ASB3: variants seen among roughly 807,000 people sequenced by gnomAD.
The protein encoded by ASB3 is ankyrin repeat and SOCS box containing 3.
A neutral mutation model predicts 54.5 loss-of-function variants in ASB3; 41 were observed. That is an observed-to-expected ratio of 0.75 (90% CI 0.59 to 0.98). The LOEUF (loss-of-function observed/expected upper bound fraction) is 0.98, where lower values mean the gene tolerates loss of function less well. ASB3 is among the 50% of genes least tolerant of loss of function. The pLI, the probability that ASB3 is intolerant of heterozygous loss-of-function variation, is 0.00. For missense variants in ASB3, 733 were observed against 620.0 expected, an observed-to-expected ratio of 1.18 and a Z score of -1.94; for synonymous variants, 266 against 221.2, an observed-to-expected ratio of 1.20 and a Z score of -1.80.
At chr2:53,687,188 G>A (rs1455941599) in intron 9 of ASB3, among the ~76,000 whole-genome samples, 1 of 151,992 alleles carries the variant, frequency 6.6e-6, no homozygotes, top group Admixed American at 6.6e-5. Flanking sequence ...GCTATGTGAA[G>A]TTAAAATTGT....
At chr2:53,757,420 A>T (rs532826608) in intron 2 of ASB3, among the ~76,000 whole-genome samples, 1 of 152,320 alleles carries the variant, frequency 6.6e-6, no homozygotes, top group African/African-American at 2.4e-5. Context: ...GCTGGTTGAG[A>T]TCATGGCGCA....
intron 5 of ASB3, among the ~76,000 whole-genome samples, chr2:53,726,350 T>A (rs1416039132): frequency 6.7e-6 from 1 of 149,264 alleles, no homozygotes; most frequent in Admixed American, 6.8e-5. Flanking sequence ...AACCTCTACC[T>A]CCTGGGTTTA....
intron 9 of ASB3, among the ~76,000 whole-genome samples, chr2:53,689,619 C>T (rs1014554775): frequency 7.2e-5 from 11 of 152,118 alleles, no homozygotes; most frequent in African/African-American, 2.7e-4. Flanking sequence ...GTACTTACCA[C>T]AGATGATTTA....
At chr2:53,779,412 G>C (rs1440942423) in intron 1 of ASB3, among the ~76,000 whole-genome samples, 1 of 151,828 alleles carries the variant, frequency 6.6e-6, no homozygotes, top group East Asian at 1.9e-4. Flanking sequence ...ACCCAAATAA[G>C]ACAAACAAGT....
Position 53,727,390 on chromosome 2 carries a change from T to TA in ASB3, c.604+1321dup, listed in dbSNP as rs1671061034. On this transcript the variant is annotated intron_variant, in intron 5 of 9. Coordinates refer to ENST00000263634, the MANE Select transcript of ASB3 (RefSeq NM_016115.5). ...GGATTATTGGGCAGGCACAGCGACT[T>TA]ACAGTGTAATCCCAGCACTTTGGGA... Among the ~76,000 whole-genome samples, 3 of 152,248 alleles carry TA rather than the reference T, an allele frequency of 2.0e-5. No individual in the cohort carries two copies. In the South Asian group the frequency reaches 6.2e-4, roughly 32 times the overall value.
At chr2:53,771,716 C>T (rs1334052116) in intron 1 of ASB3, among the ~76,000 whole-genome samples, 1 of 152,058 alleles carries the variant, frequency 6.6e-6, no homozygotes, top group Non-Finnish European at 1.5e-5. Context: ...GAAAGGCCAA[C>T]ACAGTCTCTA....
intron 3 of ASB3, among the ~76,000 whole-genome samples, chr2:53,735,047 G>A (rs1052949304): frequency 2.6e-5 from 4 of 151,012 alleles, no homozygotes; most frequent in Non-Finnish European, 5.9e-5. Context: ...AGCCTCCCTA[G>A]TAGCTAGGAT....
chr2:53,740,868 C>T (rs1405513231), intron 3 of ASB3, among the ~76,000 whole-genome samples: 3 of 152,126 alleles, frequency 2.0e-5, no homozygotes, highest in Non-Finnish European at 4.4e-5. Flanking sequence ...AGCTAAAATT[C>T]CACTATCCTA....
At chr2:53,762,446 C>G (rs955496159) in intron 2 of ASB3, among the ~76,000 whole-genome samples, 1 of 152,152 alleles carries the variant, frequency 6.6e-6, no homozygotes, top group Non-Finnish European at 1.5e-5. Flanking sequence ...AATCGCTGTG[C>G]TACAATGATT....
rs374495436 is a variant in ASB3 at position 53,757,361 on chromosome 2, C to G, written c.197-6420G>C. Among the ~76,000 whole-genome samples the G allele has an allele frequency of 2.0e-4, 30 of 152,292 alleles. 1 individual carries two copies. Among genetic ancestry groups the G allele is most frequent in the Non-Finnish European group, 4.1e-4 (28 of 68,024 alleles). On this transcript the variant is annotated intron_variant, in intron 2 of 9. Coordinates refer to ENST00000263634, the MANE Select transcript of ASB3 (RefSeq NM_016115.5). ...CTGCTTTCAATTTTCCTGGGGAGGC[C>G]GAGGGCCGACTAGAGGCAGAAAGCT...
At chr2:53,742,986 A>C (rs551493982) in intron 3 of ASB3, among the ~76,000 whole-genome samples, 1 of 152,276 alleles carries the variant, frequency 6.6e-6, no homozygotes, top group East Asian at 1.9e-4. Context: ...GACAAGCAAA[A>C]GTATTGTCAC....
chr2:53,680,073 T>A (rs1311426880), intron 9 of ASB3, among the ~76,000 whole-genome samples: 2 of 152,210 alleles, frequency 1.3e-5, no homozygotes, highest in Non-Finnish European at 2.9e-5. Context: ...GGACATGATT[T>A]CATTCTTTTT....
intron 3 of ASB3, among the ~76,000 whole-genome samples, chr2:53,741,536 T>C (rs1671932955): frequency 6.6e-6 from 1 of 152,204 alleles, no homozygotes; most frequent in South Asian, 2.1e-4. Flanking sequence ...CTTATATAAA[T>C]CGACTGACAT....
chr2:53,745,950 T>A (rs1435757396), intron 3 of ASB3, among the ~76,000 whole-genome samples: 2 of 152,246 alleles, frequency 1.3e-5, no homozygotes, highest in Non-Finnish European at 2.9e-5. Flanking sequence ...TTTGTTTTAA[T>A]TTTAAAACTC....
Position 53,728,749 on chromosome 2 carries a change from A to G in ASB3, c.567T>C (p.Tyr189=). 2 of 1,611,826 alleles carry G rather than the reference A, an allele frequency of 1.2e-6. No homozygotes were observed. The highest frequency in any genetic ancestry group is 1.7e-6 in the Non-Finnish European group (2 of 1,178,864). ...GTATGCTCAAGCTTTCTAGCTTGCCATACTGAGCAGCCACAAATAAAGGTG... is the reference window on the plus strand; with the variant it reads ...GTATGCTCAAGCTTTCTAGCTTGCCGTACTGAGCAGCCACAAATAAAGGTG... The part of the protein sequence containing the change: ...GITPLFVAAQ[Y]GKLESLSILI... The change falls in exon 5 of 10, where the codon TAT becomes TAC. Residue 189 remains tyrosine (Y), a synonymous_variant. Coordinates refer to ENST00000263634, the MANE Select transcript of ASB3 (RefSeq NM_016115.5).
chr2:53,698,022 CCTATATTT>C (rs1319920035), intron 8 of ASB3, among the ~76,000 whole-genome samples: 1 of 152,190 alleles, frequency 6.6e-6, no homozygotes, highest in Non-Finnish European at 1.5e-5. Context: ...CAGCTCTAAC[CCTATATTT>C]CTACTGGGCA....
Position 53,755,917 on chromosome 2 carries a change from C to G in ASB3, c.197-4976G>C, listed in dbSNP as rs144414880. Among the ~76,000 whole-genome samples the G allele has an allele frequency of 7.5e-3, 1,134 of 151,856 alleles. 17 individuals are homozygous for G. Among genetic ancestry groups the G allele is most frequent in the African/African-American group, 0.026 (1,089 of 41,416 alleles). ...CTGTAATCCCAGCACTTTGGGAGGC[C>G]AAGGAAGGAGTATCACTTGAGGCCA... is the stretch of plus-strand genomic sequence containing the variant. On this transcript the variant is annotated intron_variant, in intron 2 of 9. Transcript: ENST00000263634.
At chr2:53,710,494 T>C (rs1187998078) in intron 7 of ASB3, among the ~76,000 whole-genome samples, 14 of 152,232 alleles carry the variant, frequency 9.2e-5, no homozygotes, top group East Asian at 3.9e-4. Flanking sequence ...CATCTATTAA[T>C]TGCTTTTTCC....
chr2:53,782,558 G>C (rs1012920422), intron 1 of ASB3, among the ~76,000 whole-genome samples: 6 of 152,172 alleles, frequency 3.9e-5, no homozygotes, highest in African/African-American at 9.7e-5. Context: ...GGCAGCAACA[G>C]TATTTGTTTC....
Sources: gnomAD v4.1 joint callset for allele counts (sites outside exome capture counted in the v4.1 genomes callset) on GRCh38, gnomAD v4.1.1 for gene constraint, MANE v1.5 for transcripts, NCBI Gene and HGNC (gene_info 2026-07-23, HGNC 2026-07-21) for gene names.